MPPED1: variants seen among roughly 807,000 people sequenced by gnomAD.
The protein encoded by MPPED1 is metallophosphoesterase domain containing 1.
In MPPED1, 16 loss-of-function variants were observed where a neutral mutation model predicts 36.2. That is an observed-to-expected ratio of 0.44 (90% CI 0.30 to 0.67). The LOEUF (loss-of-function observed/expected upper bound fraction) is 0.67, where lower values mean the gene tolerates loss of function less well. Among genes scored for constraint, MPPED1 ranks in the 30% least tolerant of loss-of-function variants. The pLI is 0.10. For missense variants in MPPED1, 307 were observed against 453.4 expected (o/e 0.68, Z 2.93); for synonymous variants, 199 against 191.3 (o/e 1.04, Z -0.33).
chr22:43,446,091 G>A (rs1049094009), intron 3 of MPPED1, among the ~76,000 whole-genome samples: 1 of 151,222 alleles, frequency 6.6e-6, no homozygotes, highest in African/African-American at 2.4e-5. Flanking sequence ...GGCTGGTCTC[G>A]AACTCCTGGG....
chr22:43,498,476 C>A, intron 5 of MPPED1, 126 bp downstream of exon 5: 1 of 642,286 alleles, frequency 1.6e-6, no homozygotes, highest in Non-Finnish European at 2.6e-6. Context: ...CTTGCTGGGG[C>A]ACTGAGGACA....
chr22:43,500,203 T>C (rs1193832110), intron 5 of MPPED1, among the ~76,000 whole-genome samples: 1 of 57,138 alleles, frequency 1.8e-5, no homozygotes, highest in African/African-American at 1.1e-4. Flanking sequence ...GAGGTGGTAA[T>C]GGAGGTGGTG....
intron 3 of MPPED1, among the ~76,000 whole-genome samples, chr22:43,473,370 C>T (rs559454228): frequency 8.5e-5 from 13 of 152,300 alleles, no homozygotes; most frequent in African/African-American, 2.9e-4. Context: ...GGATGCCTCG[C>T]GAGGTGTCGG....
At chr22:43,437,888 T>C (rs1055377543) in intron 3 of MPPED1, among the ~76,000 whole-genome samples, 7 of 152,078 alleles carry the variant, frequency 4.6e-5, no homozygotes, top group African/African-American at 1.7e-4. Context: ...GAGGTTGAGT[T>C]GGCAGGGAAG....
chr22:43,464,036 G>T (rs949692184), intron 3 of MPPED1, among the ~76,000 whole-genome samples: 1 of 151,866 alleles, frequency 6.6e-6, no homozygotes, highest in Non-Finnish European at 1.5e-5. Context: ...AGTCTCCTGA[G>T]TAGCTGGGTT....
At chr22:43,500,281 T>TGGTGATGGTGGTGGC (rs1569091859) in intron 5 of MPPED1, among the ~76,000 whole-genome samples, 1 of 129,918 alleles carries the variant, frequency 7.7e-6, no homozygotes, top group Admixed American at 7.5e-5. Flanking sequence ...GAGGTGGCGG[T>TGGTGATGGTGGTGGC]GGTGATGGGG....
chr22:43,459,629 T>A (rs1930876474), intron 3 of MPPED1, among the ~76,000 whole-genome samples: 3 of 152,230 alleles, frequency 2.0e-5, no homozygotes, highest in Admixed American at 2.0e-4. Flanking sequence ...AATGAAAATG[T>A]TGTTTTAGGT....
chr22:43,485,576 C>T (rs1312847746), intron 4 of MPPED1, among the ~76,000 whole-genome samples: 2 of 152,102 alleles, frequency 1.3e-5, no homozygotes, highest in East Asian at 1.9e-4. Flanking sequence ...CACGATTTCT[C>T]TTCTGCCCCC....
chr22:43,504,197 A>C (rs1347447601), intron 6 of MPPED1, among the ~76,000 whole-genome samples: 1 of 152,076 alleles, frequency 6.6e-6, no homozygotes, highest in Non-Finnish European at 1.5e-5. Flanking sequence ...AATGGTGATA[A>C]TGATAAACGC....
intron 4 of MPPED1, among the ~76,000 whole-genome samples, chr22:43,483,629 A>G (rs1014995541): frequency 3.9e-5 from 6 of 152,268 alleles, no homozygotes; most frequent in Non-Finnish European, 8.8e-5. Flanking sequence ...TTTATGTTTT[A>G]GTCTCCAATA....
chr22:43,423,266 A>T (rs969757445), intron 1 of MPPED1, among the ~76,000 whole-genome samples: 2 of 152,212 alleles, frequency 1.3e-5, no homozygotes, highest in African/African-American at 4.8e-5. Flanking sequence ...GGCTCAGAGT[A>T]TGCGGCGTCC....
At chr22:43,426,092 C>G (rs527401881) in intron 2 of MPPED1, among the ~76,000 whole-genome samples, 1 of 152,274 alleles carries the variant, frequency 6.6e-6, no homozygotes, top group Non-Finnish European at 1.5e-5. Flanking sequence ...GAGCCCTGCA[C>G]GACAGAGCTT....
Position 43,447,676 on chromosome 22 carries a change from CTCACACT to C in MPPED1, c.406+12465_406+12471del, listed in dbSNP as rs577713366. On this transcript the variant is annotated intron_variant, in intron 3 of 6. Coordinates refer to ENST00000443721, the MANE Select transcript of MPPED1 (RefSeq NM_001044370.2). Reference sequence around the variant, plus strand: ...TCCTTTATCCTCACGACTGGCCTATCTCACACTTCAGTGCTCAAGTGCAGATTACATA... The same window carrying C: ...TCCTTTATCCTCACGACTGGCCTATCTCAGTGCTCAAGTGCAGATTACATA... Among the ~76,000 whole-genome samples, 791 of 151,450 alleles carry C rather than the reference CTCACACT, an allele frequency of 5.2e-3. 7 individuals carry two copies. The highest frequency in any genetic ancestry group is 0.019 in the African/African-American group (767 of 41,224).
chr22:43,428,366 C>T (rs1431713680), intron 2 of MPPED1, among the ~76,000 whole-genome samples: 3 of 152,220 alleles, frequency 2.0e-5, no homozygotes, highest in Non-Finnish European at 4.4e-5. Context: ...AGCTTTGAAA[C>T]ACAACTTTGC....
intron 5 of MPPED1, among the ~76,000 whole-genome samples, chr22:43,500,802 T>A (rs73170016): frequency 0.041 from 6,243 of 152,030 alleles, 133 homozygotes; most frequent in South Asian, 0.05. Flanking sequence ...GTGGGACACA[T>A]TCGGGGGTGA....
At chr22:43,418,546 TG>T in intron 1 of MPPED1, 1 of 179,630 alleles carries the variant, frequency 5.6e-6, no homozygotes, top group Non-Finnish European at 1.2e-5. Context: ...CGCTGTTTGG[TG>T]GGGGCCTTCT....
intron 5 of MPPED1, among the ~76,000 whole-genome samples, chr22:43,501,481 C>T (rs1602029119): frequency 6.6e-6 from 1 of 152,174 alleles, no homozygotes; most frequent in East Asian, 1.9e-4. Context: ...CCCCTTCACA[C>T]ACCGCCCGGC....
intron 2 of MPPED1, among the ~76,000 whole-genome samples, chr22:43,429,392 T>C (rs921479547): frequency 6.6e-6 from 1 of 152,248 alleles, no homozygotes; most frequent in African/African-American, 2.4e-5. Context: ...TCTCATCCTG[T>C]CCTGCTGGGC....
At chr22:43,494,977 G>A (rs181707484) in intron 4 of MPPED1, among the ~76,000 whole-genome samples, 7 of 152,246 alleles carry the variant, frequency 4.6e-5, no homozygotes, top group African/African-American at 7.2e-5. Context: ...CTATTTGAGA[G>A]GGCTCCACCC....
Sources: gnomAD v4.1 joint callset for allele counts (sites outside exome capture counted in the v4.1 genomes callset) on GRCh38, gnomAD v4.1.1 for gene constraint, MANE v1.5 for transcripts, NCBI Gene and HGNC (gene_info 2026-07-23, HGNC 2026-07-21) for gene names.